ECT2L: variants seen among roughly 807,000 people sequenced by gnomAD.
ECT2L encodes epithelial cell transforming 2 like.
ECT2L carries 126 observed loss-of-function variants against 122.8 expected under a neutral mutation model. The observed-to-expected ratio is 1.03, with a 90% CI of 0.89 to 1.19. ECT2L has a LOEUF of 1.19. ECT2L is among the 50% of genes most tolerant of loss of function. The probability of loss-of-function intolerance (pLI) is 0.00; values close to 1 mark genes in which losing one functional copy is unlikely to be tolerated. For synonymous variants in ECT2L, 385 were observed against 381.8 expected (o/e 1.01, Z -0.10); for missense variants, 1,012 against 1,064.1 (o/e 0.95, Z 0.68).
At chr6:138,885,319 C>T (rs761934146) in intron 16 of ECT2L, among the ~76,000 whole-genome samples, 187 bp from the exon 17 acceptor site, 5 of 152,230 alleles carry the variant, frequency 3.3e-5, no homozygotes, top group East Asian at 1.9e-4. Flanking sequence ...TGAGCCATAG[C>T]GCCCGGCCAA....
At chr6:138,859,579 G>C (rs1305651747) in intron 10 of ECT2L, among the ~76,000 whole-genome samples, 1 of 152,064 alleles carries the variant, frequency 6.6e-6, no homozygotes, top group Non-Finnish European at 1.5e-5. Context: ...CATTTGGGTG[G>C]GTATGTGGTG....
At chr6:138,870,262 G>T (rs1193812830) in intron 13 of ECT2L, 1 of 152,608 alleles carries the variant, frequency 6.6e-6, no homozygotes, top group Non-Finnish European at 1.5e-5. Context: ...AGATGTTGAA[G>T]GAAATGTTAT....
At chr6:138,810,921 C>T (rs556750265) in intron 1 of ECT2L, among the ~76,000 whole-genome samples, 1 of 152,204 alleles carries the variant, frequency 6.6e-6, no homozygotes, top group South Asian at 2.1e-4. Flanking sequence ...GGTTGTTTTC[C>T]TTAAAAATGT....
Position 138,882,673 on chromosome 6 carries a change from G to T in ECT2L, c.1881-51G>T, listed in dbSNP as rs568683471. 1.4e-4 allele frequency: 226 copies of T among 1,600,890 alleles called. 2 individuals carry two copies. The South Asian group carries it at 2.2e-3, about 15-fold the overall frequency. The stretch of plus-strand genomic sequence containing the variant: ...CTGATGACAATGGATATTTGGGTTT[G>T]TAAGTTATCACAAGTGAATATTTCA... On this transcript the variant is annotated intron_variant, in intron 15 of 21. Coordinates refer to ENST00000541398, the MANE Select transcript of ECT2L (RefSeq NM_001077706.3).
Position 138,874,007 on chromosome 6 carries a change from A to C in ECT2L, c.1579-2465A>C, listed in dbSNP as rs539712833. ...TTGCTCCTGGTTTTTGTCTGCCTATAATGTTTACACTGATACCATGCAACC... is the reference window on the plus strand; with the variant it reads ...TTGCTCCTGGTTTTTGTCTGCCTATCATGTTTACACTGATACCATGCAACC... On this transcript the variant is annotated intron_variant, in intron 13 of 21. Coordinates refer to ENST00000541398, the MANE Select transcript of ECT2L (RefSeq NM_001077706.3). Among the ~76,000 whole-genome samples, 38 of 151,876 alleles carry C rather than the reference A, an allele frequency of 2.5e-4. No individual in the cohort carries two copies. In the South Asian group the frequency reaches 2.7e-3, roughly 11 times the overall value.
chr6:138,892,141 C>G (rs1026902997), intron 20 of ECT2L, among the ~76,000 whole-genome samples: 8 of 152,146 alleles, frequency 5.3e-5, no homozygotes, highest in African/African-American at 1.9e-4. Context: ...ACCCGATACC[C>G]CTACTTTGTC....
intron 4 of ECT2L, chr6:138,822,811 A>G (rs1180888535): frequency 1.2e-6 from 2 of 1,612,898 alleles, no homozygotes; most frequent in Non-Finnish European, 1.7e-6. Context: ...AATGGCACTT[A>G]TGACTACAGT....
intron 13 of ECT2L, among the ~76,000 whole-genome samples, chr6:138,874,450 G>C (rs772275189): frequency 3.2e-4 from 48 of 152,074 alleles, no homozygotes; most frequent in Non-Finnish European, 5.1e-4. Flanking sequence ...GCCAATTTTA[G>C]GTTCAAACAA....
At chr6:138,874,518 A>C (rs1778372923) in intron 13 of ECT2L, among the ~76,000 whole-genome samples, 1 of 152,228 alleles carries the variant, frequency 6.6e-6, no homozygotes, top group Non-Finnish European at 1.5e-5. Context: ...TTAAAAAAGT[A>C]AGTTGCTGCT....
intron 5 of ECT2L, 125 bp downstream of exon 5, chr6:138,838,639 C>A (rs1776930273): frequency 1.1e-6 from 1 of 895,068 alleles, no homozygotes. Flanking sequence ...ATTAACTTAC[C>A]CTTGAGAGAA....
intron 20 of ECT2L, among the ~76,000 whole-genome samples, chr6:138,889,937 G>C (rs1478292802): frequency 6.6e-6 from 1 of 152,070 alleles, no homozygotes; most frequent in Non-Finnish European, 1.5e-5. Flanking sequence ...ACCCAACTTT[G>C]CTATTGTAAA....
At chr6:138,836,321 G>C (rs1054100488) in intron 4 of ECT2L, among the ~76,000 whole-genome samples, 1 of 91,980 alleles carries the variant, frequency 1.1e-5, no homozygotes, top group African/African-American at 4.3e-5. Flanking sequence ...ATGGAGTTTT[G>C]CTCGTCACCC....
rs866387582 is a variant in ECT2L at position 138,832,218 on chromosome 6, T to G, written c.180-6134T>G. Among the ~76,000 whole-genome samples the G allele has an allele frequency of 2.6e-5, 4 of 151,866 alleles. No individual in the cohort carries two copies. In the South Asian group the frequency reaches 8.3e-4, roughly 32 times the overall value. ...TTTTCCAAATGAACATTTCAAACAT[T>G]CACTCCTATTATTACCTTGATTTCT... On this transcript the variant is annotated intron_variant, in intron 4 of 21. Coordinates refer to ENST00000541398, the MANE Select transcript of ECT2L (RefSeq NM_001077706.3).
At chr6:138,801,091 T>G (rs2128367791) in intron 1 of ECT2L, among the ~76,000 whole-genome samples, 1 of 152,330 alleles carries the variant, frequency 6.6e-6, no homozygotes, top group African/African-American at 2.4e-5. Context: ...CCCAACCTCT[T>G]ACTATCATTA....
In ECT2L at chr6:138,885,503, T is replaced by A; in HGVS notation, c.2029-3T>A. On this transcript the variant is annotated splice_region_variant and splice_polypyrimidine_tract_variant and intron_variant, in intron 16 of 21. Coordinates refer to ENST00000541398, the MANE Select transcript of ECT2L (RefSeq NM_001077706.3). ...TTTTGACAATATAATCCTCACCTTT[T>A]AGTGCAGAGAAATGATACCAGCATT... 1 of 1,613,998 alleles carries A rather than the reference T, an allele frequency of 6.2e-7. No individual in the cohort carries two copies. The highest frequency in any genetic ancestry group is 8.5e-7 in the Non-Finnish European group (1 of 1,179,870).
At chr6:138,801,145 A>G (rs1356983964) in intron 1 of ECT2L, among the ~76,000 whole-genome samples, 1 of 152,230 alleles carries the variant, frequency 6.6e-6, no homozygotes, top group Non-Finnish European at 1.5e-5. Flanking sequence ...GAGGTGACAC[A>G]TTCAAACCAT....
chr6:138,811,257 C>G (rs963039294), intron 1 of ECT2L, among the ~76,000 whole-genome samples: 1 of 152,202 alleles, frequency 6.6e-6, no homozygotes, highest in Admixed American at 6.5e-5. Flanking sequence ...CTCCAGCCAA[C>G]AGCTGGTGAG....
At chr6:138,860,147 A>G (rs1179341218) in intron 10 of ECT2L, among the ~76,000 whole-genome samples, 2 of 152,106 alleles carry the variant, frequency 1.3e-5, no homozygotes, top group Non-Finnish European at 2.9e-5. Context: ...CTGAGTTTCG[A>G]TGACATCAAA....
chr6:138,845,203 T>G (rs1777178522), intron 7 of ECT2L, among the ~76,000 whole-genome samples: 1 of 152,038 alleles, frequency 6.6e-6, no homozygotes. Context: ...ATCACCATTG[T>G]GCATCTGCTT....
Sources: allele counts gnomAD v4.1 joint callset (sites outside exome capture counted in the v4.1 genomes callset), GRCh38; gene constraint gnomAD v4.1.1; transcripts MANE v1.5; gene names NCBI Gene and HGNC (gene_info 2026-07-23, HGNC 2026-07-21).